The following SIRT2 variants were observed in gnomAD, a reference collection of about 807,000 sequenced individuals.
The protein encoded by SIRT2 is sirtuin 2, also known as NAD-dependent protein deacetylase sirtuin-2.
SIRT2 carries 40 observed loss-of-function variants against 57.4 expected under a neutral mutation model. That is an observed-to-expected ratio of 0.70 (90% CI 0.54 to 0.91). The LOEUF (loss-of-function observed/expected upper bound fraction) is 0.91. Ranked by LOEUF, SIRT2 falls within the 40% of genes least tolerant of loss-of-function variation. The pLI is 0.00. For synonymous variants in SIRT2, 161 were observed against 195.7 expected (o/e 0.82, Z 1.48); for missense variants, 439 against 510.4 (o/e 0.86, Z 1.35).
chr19:38,896,939 A>C (rs1456354591), intron 2 of SIRT2, among the ~76,000 whole-genome samples: 1 of 152,168 alleles, frequency 6.6e-6, no homozygotes, highest in Non-Finnish European at 1.5e-5. Context: ...GCTTGGCCTA[A>C]GGGAGAGCCG....
At chr19:38,889,189 G>A in intron 7 of SIRT2, 34 bp from the exon 8 acceptor site, 1 of 1,590,552 alleles carries the variant, frequency 6.3e-7, no homozygotes, top group South Asian at 1.1e-5. Flanking sequence ...GCTGACGACT[G>A]CAGGGAACAG....
chr19:38,885,204 GC>G (rs1973287572), intron 8 of SIRT2, among the ~76,000 whole-genome samples: 1 of 152,080 alleles, frequency 6.6e-6, no homozygotes, highest in Admixed American at 6.6e-5. Flanking sequence ...TCCCACCTCA[GC>G]CCACTGAGTA....
intron 2 of SIRT2, 78 bp from the exon 3 acceptor site, chr19:38,893,945 G>T: frequency 6.2e-7 from 1 of 1,600,946 alleles, no homozygotes; most frequent in Non-Finnish European, 8.5e-7. Context: ...ACCAGGTTTG[G>T]GGAAAAGGCT....
chr19:38,880,689 C>T lies in SIRT2; in HGVS notation c.872G>A (p.Gly291Asp), dbSNP rs1288975955. 6.4e-7 allele frequency: 1 copy of T among 1,566,406 alleles called. No individual in the cohort carries two copies. Among genetic ancestry groups the T allele is most frequent in the Non-Finnish European group, 8.7e-7 (1 of 1,153,752 alleles). Residue 291 changes from glycine (G) to aspartate (D), a missense_variant, in exon 13 of 16, where the codon GGC (glycine) becomes GAC (aspartate). Coordinates refer to ENST00000249396, the MANE Select transcript of SIRT2 (RefSeq NM_012237.4). This position sits in a 1 kb window ranked among gnomAD's most constrained non-coding sequence, Gnocchi z 4.1. ...PRLLINKEKAGQSDPFLGMIM... is the reference protein window; with the variant it reads ...PRLLINKEKADQSDPFLGMIM... ...GGCTTGAAGAAGGGCTCTTACCTGG[C>T]CAGCTTTCTCCTTGTTGATGAGCAG...
rs1973098945 is a variant in SIRT2 at position 38,880,146 on chromosome 19, T to G, written c.877-444A>C. The G allele has an allele frequency of 5.3e-6, 1 of 189,056 alleles. No individual in the cohort carries two copies. Among genetic ancestry groups the G allele is most frequent in the Non-Finnish European group, 1.1e-5 (1 of 90,002 alleles). The allele number at this position is 189,056 out of a possible 1,614,324, so 11.7% of individuals were successfully genotyped here. ...AGCCAGCTCAGTGACTTTGGTCAAG[T>G]GACTTGTCCTCTCTGTGTCTTAGTT... On this transcript the variant is annotated intron_variant, in intron 13 of 15. Coordinates refer to ENST00000249396, the MANE Select transcript of SIRT2 (RefSeq NM_012237.4). The surrounding 1 kb of genome is among the most constrained non-coding windows in gnomAD (Gnocchi z 4.1).
intron 4 of SIRT2, among the ~76,000 whole-genome samples, chr19:38,892,589 TTA>T (rs1336232777): frequency 1.3e-5 from 2 of 152,166 alleles, no homozygotes; most frequent in Non-Finnish European, 2.9e-5. Context: ...TTATTTTTTT[TTA>T]GAGTCAGAGT....
chr19:38,879,461 C>T lies in SIRT2; in HGVS notation c.987G>A (p.Leu329=). 1 of 1,601,952 alleles carries T rather than the reference C, an allele frequency of 6.2e-7. No individual in the cohort carries two copies. Among genetic ancestry groups the T allele is most frequent in the Non-Finnish European group, 8.5e-7 (1 of 1,174,240 alleles). The change falls in exon 15 of 16, where the codon CTG becomes CTA. Residue 329 remains leucine (L), a synonymous_variant. Coordinates refer to ENST00000249396, the MANE Select transcript of SIRT2 (RefSeq NM_012237.4). ...TCCATCCAAGGAGCTCAGCAAGGGC[C>T]AGGCAGCCCTGGTCGCATTCACCCA... ...AWLGECDQGC[L]ALAELLGWKK...
At chr19:38,881,605 T>TCCAAGTGA in intron 9 of SIRT2, 114 bp from the exon 10 acceptor site, 1 of 783,300 alleles carries the variant, frequency 1.3e-6, no homozygotes. Context: ...CCTCCATCAC[T>TCCAAGTGA]TGGAGTGTGA....
intron 1 of SIRT2, chr19:38,898,948 CAGG>C (rs886495136): frequency 2.9e-5 from 5 of 171,288 alleles, no homozygotes; most frequent in African/African-American, 1.2e-4. Context: ...AAGGAACACT[CAGG>C]AGGAGTTAGG....
intron 2 of SIRT2, chr19:38,894,772 G>A: frequency 2.2e-6 from 1 of 455,742 alleles, no homozygotes; most frequent in Non-Finnish European, 4.4e-6. Flanking sequence ...CTCCAGACTG[G>A]CAGGTCTCTG....
intron 2 of SIRT2, 44 bp from the exon 3 acceptor site, chr19:38,893,911 TAGGG>T (rs781342206): frequency 6.2e-7 from 1 of 1,611,630 alleles, no homozygotes; most frequent in Non-Finnish European, 8.5e-7. Flanking sequence ...GAGGTGGGAT[TAGGG>T]AGGGAGGAGA....
chr19:38,895,755 A>C (rs923772616), intron 2 of SIRT2, among the ~76,000 whole-genome samples: 5 of 152,166 alleles, frequency 3.3e-5, no homozygotes, highest in African/African-American at 1.2e-4. Context: ...TGGGCAACAC[A>C]GTGAGACTCT....
At chr19:38,884,837 C>G (rs1973275649) in intron 8 of SIRT2, among the ~76,000 whole-genome samples, 1 of 152,096 alleles carries the variant, frequency 6.6e-6, no homozygotes, top group Non-Finnish European at 1.5e-5. Flanking sequence ...GCCTCCAACT[C>G]CTGGGCTCAA....
intron 1 of SIRT2, 106 bp downstream of exon 1, chr19:38,899,400 G>C (rs1973852292): frequency 7.7e-7 from 1 of 1,291,638 alleles, no homozygotes; most frequent in African/African-American, 1.5e-5. Context: ...TCCCCGAAGC[G>C]CTCCCTACTT....
intron 8 of SIRT2, among the ~76,000 whole-genome samples, chr19:38,887,733 C>G (rs1260267089): frequency 1.3e-5 from 2 of 152,128 alleles, no homozygotes; most frequent in Non-Finnish European, 2.9e-5. Context: ...TATTTATTTT[C>G]AATGTTACCA....
intron 3 of SIRT2, 138 bp downstream of exon 3, chr19:38,893,681 G>T (rs2144698171): frequency 1.6e-6 from 2 of 1,252,388 alleles, no homozygotes; most frequent in Admixed American, 3.7e-5. Flanking sequence ...AGCCTGCTCT[G>T]GCACTGGTAC....
chr19:38,891,410 G>A (rs572105331), intron 4 of SIRT2, among the ~76,000 whole-genome samples: 12 of 152,232 alleles, frequency 7.9e-5, no homozygotes, highest in South Asian at 2.1e-4. Context: ...TTAGCCGGGC[G>A]TGGTGGCACG....
In SIRT2 at chr19:38,880,992, T is replaced by G; in HGVS notation, c.748-95A>C. 6.5e-7 allele frequency: 1 copy of G among 1,527,896 alleles called. No individual in the cohort carries two copies. Among genetic ancestry groups the G allele is most frequent in the Non-Finnish European group, 9.0e-7 (1 of 1,109,272 alleles). The allele number at this position is 1,527,896 out of a possible 1,614,324, so 94.6% of individuals were successfully genotyped here. A position where few individuals can be genotyped will look rare whatever the true frequency, so the allele number is the denominator to read the frequency against. On this transcript the variant is annotated intron_variant, in intron 11 of 15. Transcript: ENST00000249396. This position sits in a 1 kb window ranked among gnomAD's most constrained non-coding sequence, Gnocchi z 4.1. ...CAGCAAACCTCCCTGCCGCCCCCCA[T>G]AGCTGGGGAGGTGACCTTTCCTGAG...
intron 8 of SIRT2, among the ~76,000 whole-genome samples, chr19:38,885,795 T>G (rs1189317815): frequency 6.6e-6 from 1 of 152,000 alleles, no homozygotes; most frequent in Non-Finnish European, 1.5e-5. Context: ...TTCACCATGT[T>G]GGTCAGGATG....
Sources: gnomAD v4.1 joint callset for allele counts (sites outside exome capture counted in the v4.1 genomes callset) on GRCh38, gnomAD v4.1.1 for gene constraint, Gnocchi (gnomAD v3.1) non-coding constraint, MANE v1.5 for transcripts, NCBI Gene and HGNC (gene_info 2026-07-23, HGNC 2026-07-21) for gene names.